The following EVL variants were observed in gnomAD, a reference collection of about 807,000 sequenced individuals.
EVL encodes Enah/Vasp-like, also known as ena/VASP-like protein.
A neutral mutation model predicts 59.6 loss-of-function variants in EVL; 21 were observed. The ratio of observed to expected loss-of-function variants is 0.35; its 90% CI spans 0.25 to 0.51. The LOEUF is 0.51. Among genes scored for constraint, EVL ranks in the 20% least tolerant of loss-of-function variants. The probability of loss-of-function intolerance (pLI) is 0.97; values close to 1 mark genes in which losing one functional copy is unlikely to be tolerated. For missense variants in EVL, 462 were observed against 546.6 expected, an observed-to-expected ratio of 0.85 and a Z score of 1.54; for synonymous variants, 198 against 203.5, an observed-to-expected ratio of 0.97 and a Z score of 0.23.
upstream of EVL, among the ~76,000 whole-genome samples, chr14:100,062,667 G>A (rs1440758413): frequency 6.6e-6 from 1 of 152,102 alleles, no homozygotes; most frequent in Non-Finnish European, 1.5e-5. Context: ...GGGTGAAAAT[G>A]CAAGACTCAG....
chr14:99,984,794 T>A (rs1250047103), intron 1 of EVL, among the ~76,000 whole-genome samples: 1 of 152,080 alleles, frequency 6.6e-6, no homozygotes, highest in Non-Finnish European at 1.5e-5. Context: ...TTTTGTATTT[T>A]TAGTAGAGAC....
At chr14:100,044,602 A>G (rs1164352662) in intron 1 of EVL, among the ~76,000 whole-genome samples, 2 of 152,172 alleles carry the variant, frequency 1.3e-5, no homozygotes, top group African/African-American at 4.8e-5. Context: ...GACCATTGTA[A>G]TTACAATGTG....
chr14:100,040,234 T>G (rs1390655843), intron 1 of EVL, among the ~76,000 whole-genome samples: 1 of 152,156 alleles, frequency 6.6e-6, no homozygotes, highest in African/African-American at 2.4e-5. Flanking sequence ...TTCCGCTTTT[T>G]TCTCTCTCCT....
intron 1 of EVL, among the ~76,000 whole-genome samples, chr14:100,082,551 A>G (rs773621003): frequency 6.6e-6 from 1 of 152,212 alleles, no homozygotes; most frequent in Non-Finnish European, 1.5e-5. Context: ...TTTACAACCA[A>G]CGGGTTGCTT....
chr14:100,143,547 C>T (rs952291490), intron 13 of EVL, among the ~76,000 whole-genome samples, 154 bp from the exon 14 acceptor site: 2 of 152,184 alleles, frequency 1.3e-5, no homozygotes, highest in Non-Finnish European at 2.9e-5. Context: ...TTGGTCATCA[C>T]CCCAGAGGTC....
intron 1 of EVL, among the ~76,000 whole-genome samples, chr14:99,981,161 A>T (rs142192840): frequency 0.027 from 4,153 of 151,908 alleles, 82 homozygotes; most frequent in Non-Finnish European, 0.042. Flanking sequence ...AGGCATGGTG[A>T]CTCACACCTG....
intron 1 of EVL, among the ~76,000 whole-genome samples, chr14:100,069,787 T>A (rs1364544417): frequency 6.6e-6 from 1 of 152,176 alleles, no homozygotes; most frequent in Non-Finnish European, 1.5e-5. Context: ...TTTGCTTTGG[T>A]AACTGAACCC....
chr14:100,046,538 T>A (rs1330884483), intron 1 of EVL, among the ~76,000 whole-genome samples: 2 of 151,796 alleles, frequency 1.3e-5, no homozygotes, highest in Admixed American at 1.3e-4. Flanking sequence ...GTGTTGGCGC[T>A]TGCCTGTAAT....
chr14:100,136,611 G>T (rs1008899465), intron 9 of EVL, among the ~76,000 whole-genome samples: 1 of 151,916 alleles, frequency 6.6e-6, no homozygotes, highest in Admixed American at 6.5e-5. Flanking sequence ...GCATCAGGCT[G>T]CCCTAGCTGG....
intron 1 of EVL, among the ~76,000 whole-genome samples, chr14:100,013,533 G>T (rs1465257323): frequency 6.6e-6 from 1 of 152,228 alleles, no homozygotes; most frequent in African/African-American, 2.4e-5. Flanking sequence ...GAATCAAGTG[G>T]CTTTCCATAG....
chr14:100,031,427 G>A (rs1398795976), intron 1 of EVL, among the ~76,000 whole-genome samples: 1 of 152,204 alleles, frequency 6.6e-6, no homozygotes, highest in Non-Finnish European at 1.5e-5. Context: ...TTGCAGAGAT[G>A]TTCAGAGAGG....
rs1468661246 is a variant in EVL, at chr14:100,130,993, G to A, written c.839+1309G>A. The stretch of plus-strand genomic sequence containing the variant: ...GAGCCGGGAGGGCTCGCAGAACGAT[G>A]AGGACGTCCCGTGCTGTAAGAGGGA... On this transcript the variant is annotated intron_variant, in intron 7 of 13. Coordinates refer to ENST00000392920, the MANE Select transcript of EVL (RefSeq NM_016337.3). The surrounding 1 kb of genome is among the most constrained non-coding windows in gnomAD (Gnocchi z 4.8). Among the ~76,000 whole-genome samples, 5 of 152,316 alleles carry A rather than the reference G, an allele frequency of 3.3e-5. No individual in the cohort carries two copies. Among genetic ancestry groups the A allele is most frequent in the Non-Finnish European group, 4.4e-5 (3 of 68,030 alleles).
At chr14:100,093,379 A>G (rs1159728421) in intron 2 of EVL, among the ~76,000 whole-genome samples, 1 of 152,198 alleles carries the variant, frequency 6.6e-6, no homozygotes, top group African/African-American at 2.4e-5. Context: ...CAACTTGTCT[A>G]AGGTTATACA....
At chr14:99,997,833 T>G (rs1412732949) in intron 1 of EVL, among the ~76,000 whole-genome samples, 1 of 152,168 alleles carries the variant, frequency 6.6e-6, no homozygotes, top group African/African-American at 2.4e-5. Context: ...CCCTTACCTC[T>G]CCTTTCCTAA....
At chr14:100,027,596 T>C (rs1462327012) in intron 1 of EVL, among the ~76,000 whole-genome samples, 3 of 152,234 alleles carry the variant, frequency 2.0e-5, no homozygotes, top group Non-Finnish European at 2.9e-5. Flanking sequence ...TTTTTTCTTA[T>C]GGCTGAATAA....
At chr14:100,110,430 A>C (rs1364086560) in intron 3 of EVL, among the ~76,000 whole-genome samples, 1 of 151,862 alleles carries the variant, frequency 6.6e-6, no homozygotes, top group Non-Finnish European at 1.5e-5. Flanking sequence ...GCCAGCAGCC[A>C]TCACGTTGGG....
intron 3 of EVL, among the ~76,000 whole-genome samples, chr14:100,115,377 G>A (rs563821449): frequency 1.8e-4 from 28 of 152,144 alleles, no homozygotes; most frequent in Admixed American, 6.5e-4. Flanking sequence ...GGTGCTTCTC[G>A]CCGGTACATG....
intron 2 of EVL, among the ~76,000 whole-genome samples, chr14:100,085,824 C>T (rs1198916399): frequency 1.3e-5 from 2 of 152,148 alleles, no homozygotes; most frequent in East Asian, 3.9e-4. Context: ...CCCCAGGACC[C>T]CTGATAAAAG....
At chr14:100,090,882 C>T (rs1419358272) in intron 2 of EVL, among the ~76,000 whole-genome samples, 1 of 152,144 alleles carries the variant, frequency 6.6e-6, no homozygotes, top group Non-Finnish European at 1.5e-5. Context: ...TTCACTCTCA[C>T]CTCTTTGATT....
Sources: allele counts gnomAD v4.1 joint callset (sites outside exome capture counted in the v4.1 genomes callset), GRCh38; gene constraint gnomAD v4.1.1; non-coding constraint Gnocchi (gnomAD v3.1); transcripts MANE v1.5; gene names NCBI Gene and HGNC (gene_info 2026-07-23, HGNC 2026-07-21).